Variants in WAC observed in about 807,000 individuals in gnomAD.
The protein encoded by WAC is WW domain containing adaptor with coiled-coil.
Under a neutral mutation model 79.6 loss-of-function variants are expected in WAC, and 11 were observed. The observed-to-expected ratio is 0.14, with a 90% CI of 0.09 to 0.23. WAC has a LOEUF of 0.23. Among genes scored for constraint, WAC ranks in the 10% least tolerant of loss-of-function variants. The probability of loss-of-function intolerance (pLI) is 1.00; values close to 1 mark genes in which losing one functional copy is unlikely to be tolerated. For missense variants in WAC, 728 were observed against 773.5 expected, an observed-to-expected ratio of 0.94 and a Z score of 0.70; for synonymous variants, 304 against 276.9, an observed-to-expected ratio of 1.10 and a Z score of -0.97.
chr10:28,536,876 A>G (rs940638964), intron 3 of WAC, among the ~76,000 whole-genome samples: 3 of 152,240 alleles, frequency 2.0e-5, no homozygotes, highest in Non-Finnish European at 2.9e-5. Context: ...CAGATTTACA[A>G]TATTAAAAGC....
At position 28,583,473 on chromosome 10, in the gene WAC, C is replaced by A; in HGVS notation, c.349C>A (p.Pro117Thr). 1 of 1,591,000 alleles carries A rather than the reference C, an allele frequency of 6.3e-7. No homozygotes were observed. The highest frequency in any genetic ancestry group is 1.1e-5 in the South Asian group (1 of 87,198). Residue 117 changes from proline (P) to threonine (T), a missense_variant, in exon 4 of 14, where the codon CCA (proline) becomes ACA (threonine). Transcript: ENST00000354911. The stretch of plus-strand genomic sequence containing the variant: ...TAGTTCAAATTCACATTCTTCTAAT[C>A]CAAGCAATAACCCAAGCAAAACTTC... ...LHSSNSHSSN[P>T]SNNPSKTSDA...
rs1589108999 is a variant in WAC, at chr10:28,533,206, G to A, written c.-374G>A. The A allele has an allele frequency of 5.8e-6, 1 of 172,244 alleles. No individual in the cohort carries two copies. Among genetic ancestry groups the A allele is most frequent in the Non-Finnish European group, 1.2e-5 (1 of 82,580 alleles). 10.7% of individuals were successfully genotyped at this position (172,244 alleles called of 1,614,324 possible). A position where few individuals can be genotyped will look rare whatever the true frequency, so the allele number is the denominator to read the frequency against. On this transcript the variant is annotated 5_prime_UTR_variant, in exon 1 of 14. Transcript: ENST00000354911. ...AGGAGGAGGAGGAGAAGAAGGACCAGGCGGCGGCAGCAGCGGCGGCGGCGG... is the reference window on the plus strand; with the variant it reads ...AGGAGGAGGAGGAGAAGAAGGACCAAGCGGCGGCAGCAGCGGCGGCGGCGG...
chr10:28,616,006 C>T (rs903713514), intron 11 of WAC, 167 bp from the exon 12 acceptor site: 4 of 537,068 alleles, frequency 7.4e-6, no homozygotes, highest in African/African-American at 1.9e-5. Context: ...TTTGAGGAAT[C>T]ATATACTTTG....
chr10:28,599,737 C>T (rs965777773), intron 7 of WAC, among the ~76,000 whole-genome samples: 4 of 152,216 alleles, frequency 2.6e-5, no homozygotes, highest in Admixed American at 6.5e-5. Flanking sequence ...GTAGTCAGAA[C>T]GGTAGAGAAA....
intron 6 of WAC, among the ~76,000 whole-genome samples, chr10:28,592,618 C>T (rs959709797): frequency 6.6e-6 from 1 of 151,336 alleles, no homozygotes; most frequent in African/African-American, 2.4e-5. Flanking sequence ...AAGACTCTGT[C>T]TCCAAAAAAA....
At chr10:28,600,245 A>T (rs1007249130) in intron 7 of WAC, among the ~76,000 whole-genome samples, 3 of 152,190 alleles carry the variant, frequency 2.0e-5, no homozygotes, top group African/African-American at 7.2e-5. Context: ...TGCTGGTGCC[A>T]TATGTAAAGG....
chr10:28,604,690 G>A (rs1409324891), intron 7 of WAC, among the ~76,000 whole-genome samples: 5 of 152,050 alleles, frequency 3.3e-5, no homozygotes. Flanking sequence ...ACTGCGCTCC[G>A]GCCTGGGTGA....
chr10:28,589,956 C>A, intron 5 of WAC, 105 bp downstream of exon 5: 1 of 761,798 alleles, frequency 1.3e-6, no homozygotes, highest in Non-Finnish European at 2.1e-6. Flanking sequence ...ATAGTGCTGC[C>A]CATCTACACT....
In WAC at chr10:28,620,529, TAAAAC is replaced by T. The variant is rs1261643828; in HGVS notation, c.*927_*931del. The stretch of plus-strand genomic sequence containing the variant: ...ATTGTATCTGTTGTAATAAACATGT[TAAAAC>T]AAACAAAAATTGTTATTTTTCTTTT... On this transcript the variant is annotated 3_prime_UTR_variant, in exon 14 of 14. Transcript: ENST00000354911. 6.5e-5 allele frequency: 10 copies of T among 152,782 alleles called. No homozygotes were observed. Among genetic ancestry groups the T allele is most frequent in the South Asian group, 2.1e-4 (1 of 4,832 alleles). 9.5% of individuals were successfully genotyped at this position (152,782 alleles called of 1,614,324 possible).
intron 3 of WAC, among the ~76,000 whole-genome samples, chr10:28,546,773 G>A (rs940909355): frequency 9.2e-5 from 14 of 151,694 alleles, no homozygotes; most frequent in African/African-American, 3.4e-4. Flanking sequence ...TGTGAACTTT[G>A]CTGCTTTGTT....
chr10:28,597,553 A>G (rs933570602), intron 7 of WAC, among the ~76,000 whole-genome samples: 1 of 152,024 alleles, frequency 6.6e-6, no homozygotes, highest in Non-Finnish European at 1.5e-5. Context: ...TCAGCATCTC[A>G]GCCTTTTTTC....
intron 3 of WAC, among the ~76,000 whole-genome samples, chr10:28,574,647 T>G (rs1409576506): frequency 6.6e-6 from 1 of 152,180 alleles, no homozygotes; most frequent in African/African-American, 2.4e-5. Context: ...TTTCACCATG[T>G]TGCCCAAGCT....
intron 7 of WAC, among the ~76,000 whole-genome samples, chr10:28,607,976 C>G (rs933013261): frequency 2.0e-5 from 3 of 152,130 alleles, no homozygotes; most frequent in Non-Finnish European, 2.9e-5. Flanking sequence ...TCTTGTTCAG[C>G]TTTCTTACCT....
chr10:28,616,491 G>A lies in WAC; in HGVS notation c.1746+129G>A, dbSNP rs554605275. On this transcript the variant is annotated intron_variant, in intron 12 of 13. Transcript: ENST00000354911. Reference sequence around the variant, plus strand: ...AAAATAATGAATCTCTAACTTTGTAGTCATTTAAAAAATATTTGATATATA... The same window carrying A: ...AAAATAATGAATCTCTAACTTTGTAATCATTTAAAAAATATTTGATATATA... 5.9e-5 allele frequency: 49 copies of A among 826,658 alleles called. No homozygotes were observed. The South Asian group carries it at 1.0e-3, about 17-fold the overall frequency. The allele number at this position is 826,658 out of a possible 1,614,324, so 51.2% of individuals were successfully genotyped here.
chr10:28,533,952 A>T (rs780647689), intron 1 of WAC, 46 bp from the exon 2 acceptor site: 72 of 1,600,402 alleles, frequency 4.5e-5, no homozygotes, highest in Non-Finnish European at 6.0e-5. Context: ...CCGGCCCCCC[A>T]CCCGCGCCGT....
chr10:28,541,233 T>C (rs986722435), intron 3 of WAC, among the ~76,000 whole-genome samples: 1 of 152,080 alleles, frequency 6.6e-6, no homozygotes, highest in African/African-American at 2.4e-5. Context: ...CTATTAAGCA[T>C]CTGTTACCTT....
At position 28,561,654 on chromosome 10, in the gene WAC, C is replaced by T. The variant is rs138645732; in HGVS notation, c.275-21745C>T. 2.6e-3 allele frequency among the ~76,000 whole-genome samples: 392 copies of T among 152,254 alleles called. 3 individuals are homozygous for T. The highest frequency in any genetic ancestry group is 4.1e-3 in the Non-Finnish European group (278 of 68,014). ...TACAGGTTTTTTGAAACCCCGGCGT[C>T]TTTAACCCCTGGGCCACAGACCAGT... On this transcript the variant is annotated intron_variant, in intron 3 of 13. Coordinates refer to ENST00000354911, the MANE Select transcript of WAC (RefSeq NM_016628.5).
At position 28,573,977 on chromosome 10, in the gene WAC, C is replaced by G. The variant is rs150544362; in HGVS notation, c.275-9422C>G. Among the ~76,000 whole-genome samples the G allele has an allele frequency of 4.2e-4, 63 of 151,458 alleles. 1 individual carries two copies. The East Asian group carries it at 0.012, about 28-fold the overall frequency. The stretch of plus-strand genomic sequence containing the variant: ...TCATACCATATTTGATCTTTTGTGA[C>G]TGGGGTATTTCACTTGGCATATTTT... On this transcript the variant is annotated intron_variant, in intron 3 of 13. Transcript: ENST00000354911.
In WAC at chr10:28,541,446, T is replaced by A. The variant is rs868863913; in HGVS notation, c.274+5689T>A. On this transcript the variant is annotated intron_variant, in intron 3 of 13. Transcript: ENST00000354911. The stretch of plus-strand genomic sequence containing the variant: ...TTTTTTTTTTTTTTTTTTTTTTTTT[T>A]AAGACAGTCTCACTCTGTACCTAGG... Among the ~76,000 whole-genome samples the A allele has an allele frequency of 9.6e-5, 13 of 136,026 alleles. No individual in the cohort carries two copies. The South Asian group carries it at 1.4e-3, about 15-fold the overall frequency. The allele number at this position is 136,026 out of a possible 152,430, so 89.2% of individuals were successfully genotyped here.
Sources: allele counts gnomAD v4.1 joint callset (sites outside exome capture counted in the v4.1 genomes callset), GRCh38; gene constraint gnomAD v4.1.1; transcripts MANE v1.5; gene names NCBI Gene and HGNC (gene_info 2026-07-23, HGNC 2026-07-21).